Variants in FAM81A observed in about 807,000 individuals in gnomAD.
FAM81A encodes the protein protein FAM81A.
In FAM81A, 19 loss-of-function variants were observed where a neutral mutation model predicts 46.7. The ratio of observed to expected loss-of-function variants is 0.41; its 90% CI spans 0.28 to 0.60. The LOEUF (loss-of-function observed/expected upper bound fraction) is 0.60, where lower values mean the gene tolerates loss of function less well. Ranked by LOEUF, FAM81A falls within the 20% of genes least tolerant of loss-of-function variation. The pLI is 0.34. For missense variants in FAM81A, 377 were observed against 453.5 expected (o/e 0.83, Z 1.53); for synonymous variants, 183 against 152.9 (o/e 1.20, Z -1.45).
At chr15:59,418,915 A>T (rs940099263) in intron 2 of FAM81A, among the ~76,000 whole-genome samples, 12 of 152,208 alleles carry the variant, frequency 7.9e-5, no homozygotes, top group African/African-American at 2.9e-4. Flanking sequence ...AATGATGACC[A>T]GTGTTAATAT....
intron 2 of FAM81A, among the ~76,000 whole-genome samples, chr15:59,412,818 G>T (rs534260113): frequency 1.3e-5 from 2 of 152,224 alleles, no homozygotes; most frequent in East Asian, 3.9e-4. Context: ...TGGGCATCGG[G>T]GTAGGAAGGC....
At chr15:59,497,859 T>A (rs1436778896) in intron 4 of FAM81A, among the ~76,000 whole-genome samples, 2 of 152,162 alleles carry the variant, frequency 1.3e-5, no homozygotes, top group African/African-American at 4.8e-5. Context: ...AGCCTTTATT[T>A]AAAAAAAATT....
intron 2 of FAM81A, among the ~76,000 whole-genome samples, chr15:59,421,729 G>GTCTGTCTGTCTGTCTA (rs199854304): frequency 1.6e-5 from 2 of 128,976 alleles, no homozygotes; most frequent in East Asian, 2.2e-4. Context: ...CTGTCTGTCT[G>GTCTGTCTGTCTGTCTA]TCTATCTATC....
chr15:59,509,522 G>A (rs1464835417), intron 6 of FAM81A, among the ~76,000 whole-genome samples: 3 of 152,144 alleles, frequency 2.0e-5, no homozygotes, highest in African/African-American at 7.2e-5. Flanking sequence ...GTGATCACTA[G>A]AGTCCTTATA....
intron 2 of FAM81A, chr15:59,407,753 G>T: frequency 4.6e-6 from 1 of 217,706 alleles, no homozygotes; most frequent in Non-Finnish European, 8.9e-6. Context: ...AAAACAGGTG[G>T]TCTCTTAGTG....
intron 6 of FAM81A, among the ~76,000 whole-genome samples, chr15:59,513,489 C>T (rs534992614): frequency 2.0e-5 from 3 of 152,256 alleles, no homozygotes; most frequent in South Asian, 2.1e-4. Context: ...GCGTACTCCT[C>T]GTGGGTAGGA....
intron 4 of FAM81A, among the ~76,000 whole-genome samples, chr15:59,492,891 G>C (rs1364519161): frequency 6.6e-6 from 1 of 152,130 alleles, no homozygotes; most frequent in African/African-American, 2.4e-5. Flanking sequence ...TGTTAGAAAT[G>C]TACTGTCTCC....
At chr15:59,450,448 T>G (rs1192283041) in intron 1 of FAM81A, among the ~76,000 whole-genome samples, 1 of 152,120 alleles carries the variant, frequency 6.6e-6, no homozygotes, top group Non-Finnish European at 1.5e-5. Context: ...GGTCATTAGG[T>G]TTGTGCATCT....
chr15:59,439,387 T>C (rs187148531), intron 1 of FAM81A, among the ~76,000 whole-genome samples: 136 of 150,826 alleles, frequency 9.0e-4, no homozygotes, highest in Admixed American at 2.8e-3. Flanking sequence ...TGCGCGTGTG[T>C]GTATGTGTGT....
At chr15:59,416,030 A>G (rs977186341) in intron 2 of FAM81A, among the ~76,000 whole-genome samples, 3 of 152,344 alleles carry the variant, frequency 2.0e-5, no homozygotes, top group South Asian at 4.1e-4. Context: ...AAATCTGTTT[A>G]TATGTTTACT....
Position 59,478,703 on chromosome 15 carries a change from G to A in FAM81A, c.295-13568G>A, listed in dbSNP as rs149304037. On this transcript the variant is annotated intron_variant, in intron 3 of 8. Transcript: ENST00000288228. ...GTGGCGTGTTGTATGCCTTGACTTC[G>A]GGGGAGAAGACAGTAAATTGAATGG... Among the ~76,000 whole-genome samples, 47 of 152,212 alleles carry A rather than the reference G, an allele frequency of 3.1e-4. No homozygotes were observed. The South Asian group carries it at 3.3e-3, about 11-fold the overall frequency.
intron 2 of FAM81A, among the ~76,000 whole-genome samples, chr15:59,413,307 A>C (rs1223889099): frequency 5.3e-5 from 8 of 151,826 alleles, no homozygotes; most frequent in Admixed American, 5.3e-4. Context: ...GGTAGCCCAG[A>C]GTGTGAGGGC....
chr15:59,485,272 G>T (rs753597056), intron 3 of FAM81A, among the ~76,000 whole-genome samples: 1 of 152,078 alleles, frequency 6.6e-6, no homozygotes, highest in African/African-American at 2.4e-5. Context: ...GTGAACATAC[G>T]GGTAGCCATG....
intron 4 of FAM81A, among the ~76,000 whole-genome samples, chr15:59,493,880 G>T (rs902114507): frequency 1.3e-5 from 2 of 152,072 alleles, no homozygotes; most frequent in Non-Finnish European, 2.9e-5. Flanking sequence ...GAGCCACCGC[G>T]CCCGGCCTCC....
intron 1 of FAM81A, among the ~76,000 whole-genome samples, chr15:59,456,486 G>A (rs2081486066): frequency 6.6e-6 from 1 of 152,112 alleles, no homozygotes; most frequent in African/African-American, 2.4e-5. Flanking sequence ...AGTTCTTCCT[G>A]ACCTAGCTGC....
At chr15:59,403,326 T>C (rs556486078) in intron 2 of FAM81A, among the ~76,000 whole-genome samples, 1 of 152,080 alleles carries the variant, frequency 6.6e-6, no homozygotes, top group East Asian at 1.9e-4. Context: ...ACCATAAGAT[T>C]GGAGTCCTAA....
chr15:59,505,192 T>G (rs2082135886), intron 4 of FAM81A, among the ~76,000 whole-genome samples: 1 of 152,134 alleles, frequency 6.6e-6, no homozygotes, highest in Non-Finnish European at 1.5e-5. Context: ...AGCCACTGAT[T>G]CTATCTTCAA....
intron 1 of FAM81A, among the ~76,000 whole-genome samples, chr15:59,458,007 G>A (rs769427086): frequency 2.6e-5 from 4 of 152,164 alleles, no homozygotes; most frequent in African/African-American, 4.8e-5. Context: ...TTCTAATGAG[G>A]AATATCTTTC....
chr15:59,501,136 T>A (rs531282796), intron 4 of FAM81A, among the ~76,000 whole-genome samples: 1 of 152,314 alleles, frequency 6.6e-6, no homozygotes, highest in African/African-American at 2.4e-5. Flanking sequence ...GTTGTTTGCA[T>A]GTTTATTTGT....
Sources: gnomAD v4.1 joint callset for allele counts (sites outside exome capture counted in the v4.1 genomes callset) on GRCh38, gnomAD v4.1.1 for gene constraint, MANE v1.5 for transcripts, NCBI Gene and HGNC (gene_info 2026-07-23, HGNC 2026-07-21) for gene names.